Variants in NES observed in about 807,000 individuals in gnomAD.
NES encodes the protein nestin.
Under a neutral mutation model 35.6 loss-of-function variants are expected in NES, and 27 were observed. The observed-to-expected ratio is 0.76, with a 90% confidence interval of 0.56 to 1.04. NES has a LOEUF of 1.04. NES is among the 50% of genes least tolerant of loss of function. The pLI is 0.00. For synonymous variants in NES, 822 were observed against 824.2 expected (o/e 1.00, Z 0.04); for missense variants, 1,867 against 1,983.6 (o/e 0.94, Z 1.12).
chr1:156,675,270 C>G lies in NES; in HGVS notation c.854G>C (p.Arg285Pro). The G allele has an allele frequency of 6.2e-7, 1 of 1,613,728 alleles. No homozygotes were observed. Among genetic ancestry groups the G allele is most frequent in the Non-Finnish European group, 8.5e-7 (1 of 1,179,948 alleles). ...QSQIAQVLEG[R>P]QQLAHLKMSL... ...CATCTTGAGGTGCGCCAGCTGCTGC[C>G]GACCTTCCAGGACCTGAGCGATCTG... The change falls in exon 2 of 4, where the codon CGG (arginine) becomes CCG (proline). Residue 285 changes from arginine to proline, a missense_variant. By Grantham distance (103) the Arg-to-Pro change is moderately radical. Transcript: ENST00000368223.
At position 156,676,673 on chromosome 1, in the gene NES, C is replaced by T. The variant is rs994828245; in HGVS notation, c.592G>A (p.Ala198Thr). Reference sequence around the variant, plus strand: ...TGGCCCAGCGACGTCTCCATGTGTGCCACGCGCTCCTGGTAGCCGCGCACT... The same window carrying T: ...TGGCCCAGCGACGTCTCCATGTGTGTCACGCGCTCCTGGTAGCCGCGCACT... ...GAVRGYQERVAHMETSLGQAR... is the reference protein window; with the variant it reads ...GAVRGYQERVTHMETSLGQAR... Residue 198 changes from alanine to threonine, a missense_variant, in exon 1 of 4, where the codon GCA becomes ACA. Transcript: ENST00000368223. This position sits in a 1 kb window ranked among gnomAD's most constrained non-coding sequence, Gnocchi z 5.3. The T allele has an allele frequency of 6.6e-7, 1 of 1,511,038 alleles. No individual in the cohort carries two copies. The highest frequency in any genetic ancestry group is 8.8e-7 in the Non-Finnish European group (1 of 1,142,172). 93.6% of individuals were successfully genotyped at this position (1,511,038 alleles called of 1,614,324 possible).
Position 156,671,729 on chromosome 1 carries a change from G to C in NES, c.2459C>G (p.Ser820Cys), listed in dbSNP as rs762206766. The C allele has an allele frequency of 6.2e-7, 1 of 1,613,978 alleles. No individual in the cohort carries two copies. Among genetic ancestry groups the C allele is most frequent in the South Asian group, 1.1e-5 (1 of 91,058 alleles). ...TGATTCTAGGATCTCTGTTTCTAAAGATTTTACTGCCTCTACGCTCTCTTC... is the reference window on the plus strand; with the variant it reads ...TGATTCTAGGATCTCTGTTTCTAAACATTTTACTGCCTCTACGCTCTCTTC... ...LKEESVEAVK[S>C]LETEILESLK... The change falls in exon 4 of 4, where the codon TCT becomes TGT. Residue 820 changes from serine to cysteine, a missense_variant. Physicochemically the swap from Ser to Cys is moderately radical, Grantham distance 112. Transcript: ENST00000368223.
rs6683870 is a variant in NES at position 156,676,248 on chromosome 1, C to T, written c.783+234G>A. Among the ~76,000 whole-genome samples, 8,161 of 152,100 alleles carry T rather than the reference C, an allele frequency of 0.054. 694 individuals are homozygous for T. The highest frequency in any genetic ancestry group is 0.18 in the African/African-American group (7,641 of 41,442). On this transcript the variant is annotated intron_variant, in intron 1 of 3. Coordinates refer to ENST00000368223, the MANE Select transcript of NES (RefSeq NM_006617.2). This position sits in a 1 kb window ranked among gnomAD's most constrained non-coding sequence, Gnocchi z 5.3. ...CCAGAGAGTGGCGGGGCTGCTGCAA[C>T]GGGTCTTGGGCCTGACTGCCCACCC...
At position 156,673,476 on chromosome 1, in the gene NES, G is replaced by C. The variant is rs1166522483; in HGVS notation, c.960C>G (p.Ser320=). 6.2e-7 allele frequency: 1 copy of C among 1,613,146 alleles called. No homozygotes were observed. Among genetic ancestry groups the C allele is most frequent in the Non-Finnish European group, 8.5e-7 (1 of 1,179,434 alleles). ...NSRLQTPGGG[S]KTSLSFQDPK... ...TACCCTGAAAGCTGAGGGAAGTCTT[G>C]GAGCCACCGCCAGGTGTTTGCAGCC... The change falls in exon 3 of 4, where the codon TCC becomes TCG. Residue 320 remains serine (S), a synonymous_variant. Coordinates refer to ENST00000368223, the MANE Select transcript of NES (RefSeq NM_006617.2).
At position 156,671,301 on chromosome 1, in the gene NES, G is replaced by T; in HGVS notation, c.2887C>A (p.Gln963Lys). ...CCAGCCATCCCAGGAGGGCTTTCCT[G>T]AGCCAGTTCTTGGTCCTTCTCCACC... ...DTVEKDQELA[Q>K]ESPPGMAGVE... Residue 963 changes from glutamine to lysine, a missense_variant, in exon 4 of 4, where the codon CAG (glutamine) becomes AAG (lysine). Coordinates refer to ENST00000368223, the MANE Select transcript of NES (RefSeq NM_006617.2). 6.2e-7 allele frequency: 1 copy of T among 1,614,098 alleles called. No homozygotes were observed. Among genetic ancestry groups the T allele is most frequent in the Non-Finnish European group, 8.5e-7 (1 of 1,180,026 alleles).
Position 156,672,931 on chromosome 1 carries a change from A to T in NES, c.1257T>A (p.Gly419=), listed in dbSNP as rs770958723. ...GGGGCTCTGGAGCCTGTTTCCTCCC[A>T]CCCTGTGTCTGGAGCAGAGAGAGAG... ...DAPLSLLQTQ[G]GRKQAPEPLR... is the part of the protein sequence containing the mutation. Residue 419 remains glycine, a synonymous_variant, in exon 4 of 4, where the codon GGT becomes GGA. Coordinates refer to ENST00000368223, the MANE Select transcript of NES (RefSeq NM_006617.2). 2 of 1,613,542 alleles carry T rather than the reference A, an allele frequency of 1.2e-6. No homozygotes were observed. Among genetic ancestry groups the T allele is most frequent in the Non-Finnish European group, 1.7e-6 (2 of 1,179,924 alleles).
At chr1:156,674,718 T>A (rs1679804842) in intron 2 of NES, among the ~76,000 whole-genome samples, 1 of 152,170 alleles carries the variant, frequency 6.6e-6, no homozygotes, top group Non-Finnish European at 1.5e-5. Context: ...TCTCGCCCCA[T>A]GACATCCAGG....
Position 156,672,190 on chromosome 1 carries a change from T to A in NES, c.1998A>T (p.Ser666=). The change falls in exon 4 of 4, where the codon TCA becomes TCT. Residue 666 remains serine, a synonymous_variant. Transcript: ENST00000368223. ...GATTCTCCTTTTCCAGAGCTGTCAA[T>A]GACTCTAAGTTCTCTTGCAGAGAAC... ...LVSSLQENLE[S]LTALEKENQE... 1 of 1,610,706 alleles carries A rather than the reference T, an allele frequency of 6.2e-7. No homozygotes were observed. The highest frequency in any genetic ancestry group is 1.1e-5 in the South Asian group (1 of 90,442).
Position 156,676,542 on chromosome 1 carries a change from C to G in NES, c.723G>C (p.Ala241=). The change falls in exon 1 of 4, where the codon GCG becomes GCC. Residue 241 remains alanine, a synonymous_variant. Coordinates refer to ENST00000368223, the MANE Select transcript of NES (RefSeq NM_006617.2). This position sits in a 1 kb window ranked among gnomAD's most constrained non-coding sequence, Gnocchi z 5.3. The part of the protein sequence containing the change: ...ERGGLLERRA[A]LEQRLEGRWQ... ...AGCGGCCCTCCAACCTCTGTTCCAA[C>G]GCTGCCCTGCGCTCCAGGAGGCCTC... The G allele has an allele frequency of 6.3e-7, 1 of 1,595,344 alleles. No homozygotes were observed. The highest frequency in any genetic ancestry group is 8.5e-7 in the Non-Finnish European group (1 of 1,178,326).
intron 3 of NES, 109 bp downstream of exon 3, chr1:156,673,345 C>T (rs1679777393): frequency 1.5e-6 from 2 of 1,331,974 alleles, no homozygotes; most frequent in East Asian, 2.3e-5. Flanking sequence ...CTCACTGACA[C>T]TGGAGGCCAC....
Position 156,677,179 on chromosome 1 carries a change from A to G in NES, c.86T>C (p.Leu29Pro). 3 of 1,612,342 alleles carry G rather than the reference A, an allele frequency of 1.9e-6. No homozygotes were observed. Among genetic ancestry groups the G allele is most frequent in the Non-Finnish European group, 8.5e-7 (1 of 1,179,806 alleles). The change falls in exon 1 of 4, where the codon CTG becomes CCG. Residue 29 changes from leucine (L) to proline (P), a missense_variant. Transcript: ENST00000368223. The surrounding 1 kb of genome is among the most constrained non-coding windows in gnomAD (Gnocchi z 4.5). ...LEAYLARVKA[L>P]EEQNELLSAE... ...GCTGAGCAGCTCATTCTGCTCCTCCAGCGCCTTGACCCGGGCCAGGTAGGC... is the reference window on the plus strand; with the variant it reads ...GCTGAGCAGCTCATTCTGCTCCTCCGGCGCCTTGACCCGGGCCAGGTAGGC...
chr1:156,671,192 T>A lies in NES; in HGVS notation c.2996A>T (p.Glu999Val), dbSNP rs2102585222. 6.2e-7 allele frequency: 1 copy of A among 1,614,080 alleles called. No individual in the cohort carries two copies. The highest frequency in any genetic ancestry group is 2.2e-5 in the East Asian group (1 of 44,878). The change falls in exon 4 of 4, where the codon GAG (glutamate) becomes GTG (valine). Residue 999 changes from glutamate (E) to valine (V), a missense_variant. Glu to Val is a moderately radical substitution (Grantham distance 121, BLOSUM62 -2). Coordinates refer to ENST00000368223, the MANE Select transcript of NES (RefSeq NM_006617.2). Reference protein sequence around the residue: ...TGKEEVVEQGELNATEEVWIP... With the variant: ...TGKEEVVEQGVLNATEEVWIP... ...CCAGACCTCCTCTGTGGCATTCAGC[T>A]CTCCCTGCTCTACCACCTCCTCCTT...
intron 1 of NES, among the ~76,000 whole-genome samples, chr1:156,675,844 C>T (rs1229729151): frequency 6.6e-6 from 1 of 152,198 alleles, no homozygotes; most frequent in Non-Finnish European, 1.5e-5. Flanking sequence ...CCCCATTTCC[C>T]ACATGTTCTG....
In NES at chr1:156,673,129, T is replaced by C. The variant is rs1330137079; in HGVS notation, c.1059A>G (p.Pro353=). The change falls in exon 4 of 4, where the codon CCA becomes CCG. Residue 353 remains proline (P), a synonymous_variant. Transcript: ENST00000368223. ...CAGGCAAGGGTGAGGGGAGGGAAGTTGGGCTCAGGACTGGGAGCAAAGATC... is the reference window on the plus strand; with the variant it reads ...CAGGCAAGGGTGAGGGGAGGGAAGTCGGGCTCAGGACTGGGAGCAAAGATC... ...RLGSLLPVLS[P]TSLPSPLPAT... is the part of the protein sequence containing the mutation. 1.9e-6 allele frequency: 3 copies of C among 1,574,100 alleles called. No homozygotes were observed. The highest frequency in any genetic ancestry group is 1.7e-6 in the Non-Finnish European group (2 of 1,157,938).
At position 156,671,661 on chromosome 1, in the gene NES, G is replaced by GAGA. The variant is rs755825091; in HGVS notation, c.2524_2526dup (p.Ser842dup). ...GTCCACAGTGGTGCTTGAGTTTCTGGAGATTTCAGTGTTTCCAGGTTCTCT... is the reference window on the plus strand; with the variant it reads ...GTCCACAGTGGTGCTTGAGTTTCTGGAGAAGATTTCAGTGTTTCCAGGTTCTCT... On this transcript the variant is annotated inframe_insertion, in exon 4 of 4. Transcript: ENST00000368223. The GAGA allele has an allele frequency of 6.2e-7, 1 of 1,613,652 alleles. No homozygotes were observed. The highest frequency in any genetic ancestry group is 1.7e-5 in the Admixed American group (1 of 59,928).
In NES at chr1:156,676,504, A is replaced by T. The variant is rs1259428673; in HGVS notation, c.761T>A (p.Leu254Gln). The T allele has an allele frequency of 6.3e-7, 1 of 1,597,054 alleles. No homozygotes were observed. The highest frequency in any genetic ancestry group is 8.5e-7 in the Non-Finnish European group (1 of 1,179,170). Residue 254 changes from leucine (L) to glutamine (Q), a missense_variant, in exon 1 of 4, where the codon CTG (leucine) becomes CAG (glutamine). Transcript: ENST00000368223. This position sits in a 1 kb window ranked among gnomAD's most constrained non-coding sequence, Gnocchi z 5.3. ...QRLEGRWQER[L>Q]RATEKFQLAV... is the part of the protein sequence containing the mutation. ...CACCTGGAACTTTTCAGTAGCCCGC[A>T]GCCGCTCCTGCCAGCGGCCCTCCAA...
Position 156,672,855 on chromosome 1 carries a change from C to T in NES, c.1333G>A (p.Glu445Lys). 4.3e-6 allele frequency: 7 copies of T among 1,613,982 alleles called. No individual in the cohort carries two copies. Among genetic ancestry groups the T allele is most frequent in the Non-Finnish European group, 5.9e-6 (7 of 1,180,044 alleles). ...TCTTGCCGCTGGCCCCCAGGCTCCT[C>T]TGGTCCAGGCAGGACGCTGGCAGGA... ...AIPASVLPGPEEPGGQRQEAS... is the reference protein window; with the variant it reads ...AIPASVLPGPKEPGGQRQEAS... Residue 445 changes from glutamate (E) to lysine (K), a missense_variant, in exon 4 of 4, where the codon GAG (glutamate) becomes AAG (lysine). By Grantham distance (56) the Glu-to-Lys change is moderately conservative. Transcript: ENST00000368223.
In NES at chr1:156,670,748, G is replaced by C. The variant is rs1679703762; in HGVS notation, c.3440C>G (p.Ala1147Gly). The C allele has an allele frequency of 6.2e-7, 1 of 1,613,930 alleles. No individual in the cohort carries two copies. The highest frequency in any genetic ancestry group is 2.2e-5 in the East Asian group (1 of 44,884). ...GGAGAACTCTGTCCCCAGACCACCT[G>C]CCTCCTCTAGGTCCTTTCTAGGCCC... ...LEGPRKDLEEAGGLGTEFSEL... is the reference protein window; with the variant it reads ...LEGPRKDLEEGGGLGTEFSEL... Residue 1147 changes from alanine (A) to glycine (G), a missense_variant, in exon 4 of 4, where the codon GCA becomes GGA. Physicochemically the swap from Ala to Gly is moderately conservative, Grantham distance 60 (BLOSUM62 0). Transcript: ENST00000368223.
Position 156,669,445 on chromosome 1 carries a change from CT to C in NES, c.4742del (p.Glu1581GlyfsTer7). 6.2e-7 allele frequency: 1 copy of C among 1,613,962 alleles called. No individual in the cohort carries two copies. The highest frequency in any genetic ancestry group is 8.5e-7 in the Non-Finnish European group (1 of 1,179,888). ...SEGDRGSPFQEEEGSALKTSW... is the reference protein window; with the variant it reads ...SEGDRGSPFQXEEGSALKTSW... ...AGGTCTTCAGAGCACTCCCCTCCTC[CT>C]CCTGAAAGGGGCTCCCTCGGTCTCC... On this transcript the variant is annotated frameshift_variant, in exon 4 of 4. Coordinates refer to ENST00000368223, the MANE Select transcript of NES (RefSeq NM_006617.2). LOFTEE classifies it high-confidence loss of function.
Sources: allele counts gnomAD v4.1 joint callset (sites outside exome capture counted in the v4.1 genomes callset), GRCh38; gene constraint gnomAD v4.1.1; non-coding constraint Gnocchi (gnomAD v3.1); transcripts MANE v1.5; gene names NCBI Gene and HGNC (gene_info 2026-07-23, HGNC 2026-07-21).